Variants in DMD observed in about 807,000 individuals in gnomAD.
The protein encoded by DMD is dystrophin, also known as mutant dystrophin.
Under a neutral mutation model 330.1 loss-of-function variants are expected in DMD, and 63 were observed. That is an observed-to-expected ratio of 0.19 (90% CI 0.16 to 0.24). The LOEUF is 0.24. Among genes scored for constraint, DMD ranks in the 10% least tolerant of loss-of-function variants. DMD has a pLI of 1.00. For synonymous variants in DMD, 1,223 were observed against 959.8 expected, an observed-to-expected ratio of 1.27 and a Z score of -5.07; for missense variants, 3,344 against 2,684.1, an observed-to-expected ratio of 1.25 and a Z score of -5.43.
At chrX:32,081,716 T>A (rs898097547) in intron 44 of DMD, among the ~76,000 whole-genome samples, 1 of 110,782 alleles carries the variant, frequency 9.0e-6, no homozygotes, top group African/African-American at 3.3e-5. Flanking sequence ...TAGCCAGGCG[T>A]GGTAGTACTT....
intron 44 of DMD, among the ~76,000 whole-genome samples, chrX:32,120,405 C>G (rs1343883150): frequency 8.9e-6 from 1 of 111,915 alleles, no homozygotes; most frequent in Non-Finnish European, 1.9e-5. Flanking sequence ...CCAGCTGATT[C>G]TGACGTGAGT....
At chrX:32,856,655 G>A (rs1340775633) in intron 2 of DMD, among the ~76,000 whole-genome samples, 1 of 111,957 alleles carries the variant, frequency 8.9e-6, no homozygotes, top group African/African-American at 3.2e-5. Context: ...ATGTTTACCA[G>A]AGTGTAGTAT....
At chrX:33,312,235 A>G (rs1207915019) in intron 1 of DMD, among the ~76,000 whole-genome samples, 2 of 111,082 alleles carry the variant, frequency 1.8e-5, no homozygotes, top group Non-Finnish European at 3.8e-5. Flanking sequence ...ATTTTTTTCA[A>G]CCAGACTCAG....
intron 2 of DMD, among the ~76,000 whole-genome samples, chrX:32,923,475 C>G (rs141229641): frequency 9.1e-6 from 1 of 109,756 alleles, no homozygotes; most frequent in East Asian, 2.9e-4. Context: ...GTGGGAGAAT[C>G]GCTTAACCCC....
chrX:33,105,070 G>T (rs1162615612), intron 1 of DMD, among the ~76,000 whole-genome samples: 2 of 112,073 alleles, frequency 1.8e-5, no homozygotes, highest in Non-Finnish European at 3.8e-5. Flanking sequence ...ATTTTAAAAC[G>T]TCTATTCCTA....
chrX:31,628,753 T>C (rs1435320663), intron 54 of DMD, among the ~76,000 whole-genome samples: 1 of 109,855 alleles, frequency 9.1e-6, no homozygotes, highest in Non-Finnish European at 1.9e-5. Flanking sequence ...AAAAAATTCC[T>C]GTGAAGTTGA....
intron 54 of DMD, among the ~76,000 whole-genome samples, chrX:31,635,969 C>G (rs188324106): frequency 9.0e-6 from 1 of 111,287 alleles, no homozygotes. Context: ...GGAGAAAAAG[C>G]ATTGCTTATA....
rs145750291 is a variant in DMD, at chrX:32,604,810, CA to C, written c.1483-8935del. On this transcript the variant is annotated intron_variant, in intron 12 of 78. Transcript: ENST00000357033. ...AACTCAATCTCATTTACAACAACTA[CA>C]AAAAAAAAAAATACCTAGGAATGCC... Among the ~76,000 whole-genome samples, 915 of 96,117 alleles carry C rather than the reference CA, an allele frequency of 9.5e-3. 4 individuals are homozygous for C. Among genetic ancestry groups the C allele is most frequent in the Middle Eastern group, 0.016 (3 of 188 alleles). 83.5% of individuals were successfully genotyped at this position (96,117 alleles called of 115,157 possible). A position where few individuals can be genotyped will look rare whatever the true frequency, so the allele number is the denominator to read the frequency against.
chrX:33,321,928 A>G (rs1349018480), intron 1 of DMD, among the ~76,000 whole-genome samples: 1 of 111,696 alleles, frequency 9.0e-6, no homozygotes, highest in East Asian at 2.8e-4. Context: ...GCTAGCTTCC[A>G]ACTTTTCTTC....
intron 7 of DMD, among the ~76,000 whole-genome samples, chrX:32,779,607 T>C (rs1205706205): frequency 9.5e-6 from 1 of 105,424 alleles, no homozygotes; most frequent in Non-Finnish European, 1.9e-5. Flanking sequence ...TTTTTATCCT[T>C]GCGATAGTTT....
chrX:32,108,745 T>C (rs2096576070), intron 44 of DMD, among the ~76,000 whole-genome samples: 1 of 111,945 alleles, frequency 8.9e-6, no homozygotes, highest in Non-Finnish European at 1.9e-5. Context: ...TGAAACTCTC[T>C]ACCCCAACCT....
At chrX:33,085,821 A>T (rs917029754) in intron 1 of DMD, 4 of 112,169 alleles carry the variant, frequency 3.6e-5, no homozygotes, top group African/African-American at 1.3e-4. Flanking sequence ...CAATTCGCAT[A>T]GAAACAACCA....
intron 4 of DMD, among the ~76,000 whole-genome samples, chrX:32,826,328 T>C (rs1255654834): frequency 8.9e-6 from 1 of 112,025 alleles, no homozygotes; most frequent in Non-Finnish European, 1.9e-5. Flanking sequence ...GGAATTCTAC[T>C]GCTGGGTATA....
chrX:31,147,433 G>A lies in DMD; in HGVS notation c.10639C>T (p.Pro3547Ser), dbSNP rs756033149. ...SPLPSPPEMMPTSPQSPRDAE... is the reference protein window; with the variant it reads ...SPLPSPPEMMSTSPQSPRDAE... Reference sequence around the variant, plus strand: ...TCCCGGGGACTCTGGGGAGAGGTGGGCATCATTTCAGGAGGGGACGGCAGT... The same window carrying A: ...TCCCGGGGACTCTGGGGAGAGGTGGACATCATTTCAGGAGGGGACGGCAGT... The change falls in exon 75 of 79, where the codon CCC becomes TCC. Residue 3547 changes from proline (P) to serine (S), a missense_variant. Pro to Ser is a moderately conservative substitution (Grantham distance 74). Coordinates refer to ENST00000357033, the MANE Select transcript of DMD (RefSeq NM_004006.3). 8.3e-7 allele frequency: 1 copy of A among 1,204,388 alleles called. No individual in the cohort carries two copies. Among genetic ancestry groups the A allele is most frequent in the Non-Finnish European group, 1.1e-6 (1 of 892,268 alleles).
intron 74 of DMD, among the ~76,000 whole-genome samples, chrX:31,155,846 A>C (rs1423860289): frequency 1.8e-5 from 2 of 110,237 alleles, no homozygotes; most frequent in African/African-American, 6.6e-5. Context: ...AAAATTAGCC[A>C]TATGTCGTGA....
intron 42 of DMD, among the ~76,000 whole-genome samples, chrX:32,303,537 C>T (rs868255356): frequency 1.4e-4 from 15 of 110,756 alleles, no homozygotes; most frequent in African/African-American, 4.6e-4. Context: ...GCACTATTGT[C>T]GTCATATTTT....
At chrX:32,681,280 T>C (rs2062401017) in intron 9 of DMD, among the ~76,000 whole-genome samples, 1 of 111,690 alleles carries the variant, frequency 9.0e-6, no homozygotes, top group African/African-American at 3.3e-5. Flanking sequence ...CATTGTAGGA[T>C]GCATAAACTG....
chrX:31,760,086 T>C (rs984656660), intron 51 of DMD, among the ~76,000 whole-genome samples: 6 of 111,854 alleles, frequency 5.4e-5, no homozygotes, highest in African/African-American at 1.3e-4. Context: ...ATGTACATCA[T>C]AGATTGCTAG....
At chrX:31,464,869 TTA>T (rs1215683861) in intron 59 of DMD, among the ~76,000 whole-genome samples, 1 of 112,492 alleles carries the variant, frequency 8.9e-6, no homozygotes, top group Non-Finnish European at 1.9e-5. Context: ...GAAAAAGAAC[TTA>T]TATGCACTTC....
Sources: gnomAD v4.1 joint callset for allele counts (sites outside exome capture counted in the v4.1 genomes callset) on GRCh38, gnomAD v4.1.1 for gene constraint, MANE v1.5 for transcripts, NCBI Gene and HGNC (gene_info 2026-07-23, HGNC 2026-07-21) for gene names.